EPS8: variants seen among roughly 807,000 people sequenced by gnomAD.
EPS8 encodes EGFR pathway substrate 8, signaling adaptor.
A neutral mutation model predicts 103.8 loss-of-function variants in EPS8; 42 were observed. That is an observed-to-expected ratio of 0.40 (90% CI 0.32 to 0.52). The LOEUF (loss-of-function observed/expected upper bound fraction) is 0.52, where lower values mean the gene tolerates loss of function less well. Among genes scored for constraint, EPS8 ranks in the 20% least tolerant of loss-of-function variants. The probability of loss-of-function intolerance (pLI) is 0.40; values close to 1 mark genes in which losing one functional copy is unlikely to be tolerated. For synonymous variants in EPS8, 344 were observed against 344.6 expected (o/e 1.00, Z 0.02); for missense variants, 969 against 1,005.1 (o/e 0.96, Z 0.49).
At chr12:15,753,831 C>T (rs1429777700) in intron 1 of EPS8, among the ~76,000 whole-genome samples, 2 of 152,144 alleles carry the variant, frequency 1.3e-5, no homozygotes, top group East Asian at 3.8e-4. Context: ...TTTCATACTA[C>T]CAATAAACCA....
At chr12:15,774,944 G>A (rs1453461473) in intron 1 of EPS8, among the ~76,000 whole-genome samples, 1 of 151,940 alleles carries the variant, frequency 6.6e-6, no homozygotes, top group Non-Finnish European at 1.5e-5. Flanking sequence ...GCTCCCTGCA[G>A]TGCAAATAAG....
chr12:15,732,448 C>G (rs1389520074), intron 1 of EPS8, among the ~76,000 whole-genome samples: 2 of 152,134 alleles, frequency 1.3e-5, no homozygotes, highest in African/African-American at 4.8e-5. Context: ...TATACACTAT[C>G]TCATTTAATC....
chr12:15,742,845 C>T (rs1946839022), intron 1 of EPS8, among the ~76,000 whole-genome samples: 1 of 152,166 alleles, frequency 6.6e-6, no homozygotes, highest in South Asian at 2.1e-4. Flanking sequence ...CCTTTGAAAA[C>T]TGGCACAAGA....
At position 15,716,947 on chromosome 12, in the gene EPS8, T is replaced by C. The variant is rs1420198792; in HGVS notation, c.-21-33975A>G. The stretch of plus-strand genomic sequence containing the variant: ...GCTTTGTCTTCTCTAAACCAATCCT[T>C]CTCCTAACTTTAATACCTTTTTCAG... On this transcript the variant is annotated intron_variant, in intron 1 of 20. Transcript: ENST00000281172. This position sits in a 1 kb window ranked among gnomAD's most constrained non-coding sequence, Gnocchi z 5.0. Among the ~76,000 whole-genome samples the C allele has an allele frequency of 6.6e-6, 1 of 152,086 alleles. No homozygotes were observed. Among genetic ancestry groups the C allele is most frequent in the Non-Finnish European group, 1.5e-5 (1 of 67,996 alleles).
intron 18 of EPS8, among the ~76,000 whole-genome samples, chr12:15,626,680 A>C (rs1248970597): frequency 2.6e-5 from 4 of 151,362 alleles, no homozygotes; most frequent in Admixed American, 2.0e-4. Context: ...CCCTCTGCTC[A>C]AAACATTCCC....
At position 15,647,186 on chromosome 12, in the gene EPS8, G is replaced by T. The variant is rs1230715264; in HGVS notation, c.1509C>A (p.His503Gln). 1 of 1,614,038 alleles carries T rather than the reference G, an allele frequency of 6.2e-7. No individual in the cohort carries two copies. Among genetic ancestry groups the T allele is most frequent in the South Asian group, 1.1e-5 (1 of 91,062 alleles). Residue 503 changes from histidine (H) to glutamine (Q), a missense_variant, in exon 15 of 21, where the codon CAC (histidine) becomes CAA (glutamine). Transcript: ENST00000281172. ...CAACAGCAGCTTCCCCTTGGTCCAG[G>T]TGGGATCCTCTTGTGTAAATGTTGC... ...FSSNIYTRGS[H>Q]LDQGEAAVAF...
intron 8 of EPS8, chr12:15,662,448 G>A: frequency 9.9e-7 from 1 of 1,009,930 alleles, no homozygotes; most frequent in Non-Finnish European, 1.2e-6. Flanking sequence ...CAGCAGTCAA[G>A]CTTTTACTTC....
Position 15,778,619 on chromosome 12 carries a change from C to A in EPS8, c.-22+10542G>T, listed in dbSNP as rs1947230799. Among the ~76,000 whole-genome samples the A allele has an allele frequency of 6.6e-6, 1 of 152,140 alleles. No individual in the cohort carries two copies. Among genetic ancestry groups the A allele is most frequent in the South Asian group, 2.1e-4 (1 of 4,822 alleles). ...ATCTGAAGATAGGGTTTCAAAAATTCACATTCCTGGATTAAAGAATAATAT... is the reference window on the plus strand; with the variant it reads ...ATCTGAAGATAGGGTTTCAAAAATTAACATTCCTGGATTAAAGAATAATAT... On this transcript the variant is annotated intron_variant, in intron 1 of 20. Transcript: ENST00000281172. The surrounding 1 kb of genome is among the most constrained non-coding windows in gnomAD (Gnocchi z 4.5).
In EPS8 at chr12:15,745,135, A is replaced by G. The variant is rs542987888; in HGVS notation, c.-22+44026T>C. The stretch of plus-strand genomic sequence containing the variant: ...CTCAGCCTCCCAAAGTGCTGGTATT[A>G]TAGGCGTGAGCCACCATGCCTGGCC... On this transcript the variant is annotated intron_variant, in intron 1 of 20. Coordinates refer to ENST00000281172, the MANE Select transcript of EPS8 (RefSeq NM_004447.6). The surrounding 1 kb of genome is among the most constrained non-coding windows in gnomAD (Gnocchi z 4.6). 8.5e-5 allele frequency among the ~76,000 whole-genome samples: 13 copies of G among 152,332 alleles called. No homozygotes were observed. The highest frequency in any genetic ancestry group is 3.1e-4 in the African/African-American group (13 of 41,572).
chr12:15,753,820 C>T, intron 1 of EPS8, among the ~76,000 whole-genome samples: 1 of 152,290 alleles, frequency 6.6e-6, no homozygotes, highest in South Asian at 2.1e-4. Context: ...TAATTTGATA[C>T]TTTCATACTA....
chr12:15,690,601 T>C lies in EPS8; in HGVS notation c.-21-7629A>G, dbSNP rs932969007. Among the ~76,000 whole-genome samples the C allele has an allele frequency of 2.0e-5, 3 of 152,206 alleles. No homozygotes were observed. The highest frequency in any genetic ancestry group is 7.2e-5 in the African/African-American group (3 of 41,450). On this transcript the variant is annotated intron_variant, in intron 1 of 20. Transcript: ENST00000281172. The surrounding 1 kb of genome is among the most constrained non-coding windows in gnomAD (Gnocchi z 4.7). ...CAATTTGTCTGCTCTATTTTAGTAATACATGGTTTTACAGATCCAATGGCC... is the reference window on the plus strand; with the variant it reads ...CAATTTGTCTGCTCTATTTTAGTAACACATGGTTTTACAGATCCAATGGCC...
intron 17 of EPS8, 110 bp downstream of exon 17, chr12:15,640,593 A>G: frequency 1.1e-6 from 1 of 938,508 alleles, no homozygotes; most frequent in Non-Finnish European, 1.5e-6. Flanking sequence ...AAAAATATAT[A>G]ACCAACTACA....
chr12:15,641,979 A>AAAAT (rs1342073875), intron 15 of EPS8, 149 bp from the exon 16 acceptor site: 6 of 433,620 alleles, frequency 1.4e-5, no homozygotes, highest in African/African-American at 2.1e-5. Flanking sequence ...TATGATAAAT[A>AAAAT]AAAGTTACTT....
In EPS8 at chr12:15,688,913, A is replaced by C. The variant is rs557482379; in HGVS notation, c.-21-5941T>G. On this transcript the variant is annotated intron_variant, in intron 1 of 20. Transcript: ENST00000281172. This position sits in a 1 kb window ranked among gnomAD's most constrained non-coding sequence, Gnocchi z 5.1. ...TGTAACACTCGCCCACGGGGGCTTC[A>C]TCTGTAAACATTCACTCCTAGACAC... Among the ~76,000 whole-genome samples the C allele has an allele frequency of 8.5e-5, 13 of 152,300 alleles. No individual in the cohort carries two copies. In the South Asian group the frequency reaches 2.7e-3, roughly 32 times the overall value.
At chr12:15,726,274 T>C (rs1439235619) in intron 1 of EPS8, among the ~76,000 whole-genome samples, 1 of 151,900 alleles carries the variant, frequency 6.6e-6, no homozygotes, top group Admixed American at 6.6e-5. Flanking sequence ...ACAAAAGGGA[T>C]AATTACACTG....
rs1947225371 is a variant in EPS8, at chr12:15,778,114, A to G, written c.-22+11047T>C. On this transcript the variant is annotated intron_variant, in intron 1 of 20. Transcript: ENST00000281172. This position sits in a 1 kb window ranked among gnomAD's most constrained non-coding sequence, Gnocchi z 4.5. ...TTTAAAGGAAGTTATAATTTTTCCA[A>G]TTTTTCTTACATATTATTGTTCAGG... 6.6e-6 allele frequency among the ~76,000 whole-genome samples: 1 copy of G among 152,194 alleles called. No individual in the cohort carries two copies. The highest frequency in any genetic ancestry group is 1.9e-4 in the East Asian group (1 of 5,198).
intron 15 of EPS8, among the ~76,000 whole-genome samples, chr12:15,643,548 T>C (rs1170384688): frequency 1.3e-5 from 2 of 152,092 alleles, no homozygotes; most frequent in Non-Finnish European, 2.9e-5. Context: ...GAGACCAGCC[T>C]GTCCAATATC....
intron 14 of EPS8, among the ~76,000 whole-genome samples, chr12:15,648,438 G>C (rs1434226805): frequency 2.0e-5 from 3 of 152,250 alleles, no homozygotes; most frequent in African/African-American, 7.2e-5. Context: ...ATGACAAAGT[G>C]ATCAGGAGGA....
intron 15 of EPS8, 94 bp from the exon 16 acceptor site, chr12:15,641,924 A>G: frequency 1.9e-6 from 1 of 518,228 alleles, no homozygotes; most frequent in Non-Finnish European, 3.3e-6. Flanking sequence ...CTACCAGAAA[A>G]CTTTCTGAAA....
Sources: gnomAD v4.1 joint callset for allele counts (sites outside exome capture counted in the v4.1 genomes callset) on GRCh38, gnomAD v4.1.1 for gene constraint, Gnocchi (gnomAD v3.1) non-coding constraint, MANE v1.5 for transcripts, NCBI Gene and HGNC (gene_info 2026-07-23, HGNC 2026-07-21) for gene names.